The following WNK3 variants were observed in gnomAD, a reference collection of about 807,000 sequenced individuals.
WNK3 encodes WNK lysine deficient protein kinase 3, also known as serine/threonine-protein kinase WNK3.
In WNK3, 18 loss-of-function variants were observed where a neutral mutation model predicts 116.7. The ratio of observed to expected loss-of-function variants is 0.15; its 90% CI spans 0.11 to 0.23. WNK3 has a LOEUF of 0.23. Among genes scored for constraint, WNK3 ranks in the 10% least tolerant of loss-of-function variants. The probability of loss-of-function intolerance (pLI) is 1.00; values close to 1 mark genes in which losing one functional copy is unlikely to be tolerated. For synonymous variants in WNK3, 404 were observed against 469.4 expected (o/e 0.86, Z 1.80); for missense variants, 993 against 1,323.8 (o/e 0.75, Z 3.88).
chrX:54,242,666 TA>T (rs1195829236), intron 17 of WNK3, among the ~76,000 whole-genome samples: 1 of 111,976 alleles, frequency 8.9e-6, no homozygotes, highest in African/African-American at 3.2e-5. Context: ...CCAAGACCAT[TA>T]AATGGGGGAA....
In WNK3 at chrX:54,254,103, G is replaced by C. The variant is rs187207622; in HGVS notation, c.2251-28C>G. On this transcript the variant is annotated intron_variant, in intron 12 of 23. Transcript: ENST00000354646. ...GAGTACAAACATTTTACCGGTTTAA[G>C]AGTCAATCACTGTCTTCTTTTTGCA... 4.8e-6 allele frequency: 5 copies of C among 1,039,487 alleles called. No homozygotes were observed. In the East Asian group the frequency reaches 1.5e-4, roughly 32 times the overall value. 85.7% of individuals were successfully genotyped at this position (1,039,487 alleles called of 1,213,427 possible).
intron 17 of WNK3, among the ~76,000 whole-genome samples, chrX:54,247,229 T>G (rs1232208404): frequency 9.0e-6 from 1 of 111,628 alleles, no homozygotes; most frequent in Non-Finnish European, 1.9e-5. Context: ...ACCTTGACAC[T>G]TGGGAGAGTC....
At chrX:54,310,361 C>T (rs2068873492) in intron 3 of WNK3, among the ~76,000 whole-genome samples, 1 of 108,433 alleles carries the variant, frequency 9.2e-6, no homozygotes, top group African/African-American at 3.3e-5. Context: ...GGCAACACGG[C>T]GAAACCCCAT....
intron 22 of WNK3, among the ~76,000 whole-genome samples, chrX:54,213,320 T>C (rs191657790): frequency 9.3e-6 from 1 of 107,922 alleles, no homozygotes; most frequent in African/African-American, 3.4e-5. Flanking sequence ...TTTGGGAGGC[T>C]GAGGTGGGCG....
intron 6 of WNK3, 152 bp from the exon 7 acceptor site, chrX:54,298,546 C>T: frequency 7.0e-6 from 3 of 427,368 alleles, no homozygotes; most frequent in Non-Finnish European, 1.2e-5. Flanking sequence ...AACCAAATCT[C>T]TTTAACAGAT....
In WNK3 at chrX:54,291,591, CAT is replaced by C. The variant is rs1485010504; in HGVS notation, c.2037+1295_2037+1296del. Among the ~76,000 whole-genome samples, 8 of 111,910 alleles carry C rather than the reference CAT, an allele frequency of 7.1e-5. No individual in the cohort carries two copies. The Admixed American group carries it at 7.6e-4, about 11-fold the overall frequency. On this transcript the variant is annotated intron_variant, in intron 10 of 23. Transcript: ENST00000354646. ...TAGAAAGAGGCAAATCAAACTACCA[CAT>C]GAGCTCAATTACAAATAGGCACCAT...
At chrX:54,299,743 C>A (rs1267524101) in intron 6 of WNK3, among the ~76,000 whole-genome samples, 2 of 111,147 alleles carry the variant, frequency 1.8e-5, no homozygotes, top group Admixed American at 9.7e-5. Context: ...GAGGCACAAC[C>A]AAGTAAAGCC....
intron 1 of WNK3, among the ~76,000 whole-genome samples, chrX:54,351,020 T>A (rs2069508194): frequency 9.0e-6 from 1 of 110,786 alleles, no homozygotes; most frequent in South Asian, 3.8e-4. Flanking sequence ...CACAAAACTA[T>A]GTATTTCTAA....
intron 5 of WNK3, among the ~76,000 whole-genome samples, chrX:54,302,089 G>A (rs782759289): frequency 2.7e-5 from 3 of 110,571 alleles, no homozygotes; most frequent in Non-Finnish European, 5.7e-5. Context: ...TGACAACAGA[G>A]GCAAAGTTAC....
At chrX:54,335,645 AAC>A (rs2069225632) in intron 1 of WNK3, among the ~76,000 whole-genome samples, 1 of 112,249 alleles carries the variant, frequency 8.9e-6, no homozygotes, top group Non-Finnish European at 1.9e-5. Context: ...GAAGAAAAAA[AAC>A]CTTGAACTAA....
chrX:54,220,287 C>G (rs1557146279), intron 22 of WNK3, among the ~76,000 whole-genome samples: 1 of 111,079 alleles, frequency 9.0e-6, no homozygotes, highest in African/African-American at 3.3e-5. Flanking sequence ...AGAATAAGAC[C>G]TTTCCTAAAT....
chrX:54,279,396 T>A (rs1372771776), intron 10 of WNK3, among the ~76,000 whole-genome samples: 2 of 111,242 alleles, frequency 1.8e-5, no homozygotes, highest in African/African-American at 6.5e-5. Context: ...GAGACCCGTC[T>A]CTACACAGAT....
chrX:54,273,321 G>A (rs1318402884), intron 10 of WNK3, among the ~76,000 whole-genome samples: 8 of 111,826 alleles, frequency 7.2e-5, no homozygotes, highest in African/African-American at 1.3e-4. Context: ...GGCCGGGTAC[G>A]GTGGCTCACG....
intron 1 of WNK3, among the ~76,000 whole-genome samples, chrX:54,337,737 C>T (rs1455942099): frequency 2.8e-5 from 3 of 108,609 alleles, no homozygotes; most frequent in African/African-American, 1.0e-4. Context: ...GACTGGGTGA[C>T]TGAGTGAGAC....
intron 1 of WNK3, among the ~76,000 whole-genome samples, chrX:54,356,068 T>G (rs1028075291): frequency 8.1e-5 from 9 of 111,404 alleles, no homozygotes; most frequent in Non-Finnish European, 1.5e-4. Context: ...CCAAGAAAAC[T>G]AAATATATAT....
At chrX:54,333,433 T>C in exon 2 of WNK3, 2 of 1,211,676 alleles carry the variant, frequency 1.7e-6, no homozygotes, top group Non-Finnish European at 2.2e-6. Flanking sequence ...GCAGCCTTAA[T>C]TCTCTCATCT....
Position 54,294,754 on chromosome X carries a change from T to G in WNK3, c.1492A>C (p.Lys498Gln), listed in dbSNP as rs1375842626. The stretch of plus-strand genomic sequence containing the variant: ...CGTTCTTCCAAACAGCCAGCAGGCT[T>G]CTTCTCTCTTGTCTTCTTTATTGGC... Residue 498 changes from lysine to glutamine, a missense_variant, in exon 8 of 24, where the codon AAG becomes CAG. This residue lies in a region of WNK3 where 836 missense variants were observed against 976.5 expected (regional missense o/e 0.86). Coordinates refer to ENST00000354646, the Ensembl canonical transcript of WNK3. 3 of 1,211,126 alleles carry G rather than the reference T, an allele frequency of 2.5e-6. No individual in the cohort carries two copies. Among genetic ancestry groups the G allele is most frequent in the Non-Finnish European group, 3.4e-6 (3 of 895,233 alleles).
At chrX:54,294,818 A>G in exon 8 of WNK3, 2 of 1,197,303 alleles carry the variant, frequency 1.7e-6, no homozygotes, top group Non-Finnish European at 2.3e-6. Flanking sequence ...CAGCTTTGGA[A>G]TCACTTTCAT....
chrX:54,227,889 ATTTAT>A (rs1286253153), intron 22 of WNK3, among the ~76,000 whole-genome samples: 4 of 111,805 alleles, frequency 3.6e-5, no homozygotes, highest in Admixed American at 9.6e-5. Context: ...ATTTTATTTT[ATTTAT>A]TTTATTTTAT....
Sources: allele counts gnomAD v4.1 joint callset (sites outside exome capture counted in the v4.1 genomes callset), GRCh38; gene constraint gnomAD v4.1.1; regional missense constraint gnomAD v4.1.1; transcripts MANE v1.5; gene names NCBI Gene and HGNC (gene_info 2026-07-23, HGNC 2026-07-21).